Variants in EML5 observed in about 807,000 individuals in gnomAD.
EML5 encodes the protein EMAP like 5.
In EML5, 120 loss-of-function variants were observed where a neutral mutation model predicts 250.0. That is an observed-to-expected ratio of 0.48 (90% confidence interval 0.41 to 0.56). EML5 has a LOEUF of 0.56. Ranked by LOEUF, EML5 falls within the 20% of genes least tolerant of loss-of-function variation. The pLI is 0.00. For synonymous variants in EML5, 771 were observed against 806.5 expected, an observed-to-expected ratio of 0.96 and a Z score of 0.75; for missense variants, 2,006 against 2,437.6, an observed-to-expected ratio of 0.82 and a Z score of 3.73.
At position 88,705,579 on chromosome 14, in the gene EML5, G is replaced by C. The variant is rs777239208; in HGVS notation, c.1835C>G (p.Ala612Gly). The stretch of plus-strand genomic sequence containing the variant: ...ATCTGATTCATCACTATGAGAGTCA[G>C]CCAGACTTTCTGTAATTTTTAAAAA... ...AVHIAPQESL[A>G]DSHSDESDSD... Residue 612 changes from alanine to glycine, a missense_variant, in exon 12 of 44, where the codon GCT (alanine) becomes GGT (glycine). Around this residue, in one of 7 missense-constraint regions of EML5, gnomAD observed 1,375 missense variants for 1,590.3 expected, o/e 0.86. Coordinates refer to ENST00000554922, the MANE Select transcript of EML5 (RefSeq NM_183387.3). 9.4e-5 allele frequency: 149 copies of C among 1,586,148 alleles called. No homozygotes were observed. In the Admixed American group the frequency reaches 2.6e-3, roughly 28 times the overall value.
chr14:88,717,362 G>T (rs1338165264), intron 8 of EML5, among the ~76,000 whole-genome samples: 1 of 152,190 alleles, frequency 6.6e-6, no homozygotes, highest in Admixed American at 6.5e-5. Flanking sequence ...GGAGAATCAT[G>T]AAGTGGGGGC....
chr14:88,654,202 A>G (rs922507355), intron 27 of EML5, among the ~76,000 whole-genome samples: 5 of 152,048 alleles, frequency 3.3e-5, no homozygotes, highest in African/African-American at 1.2e-4. Context: ...CTAGCAGTCT[A>G]TCTATTTTGT....
intron 7 of EML5, among the ~76,000 whole-genome samples, chr14:88,733,950 T>C (rs184599916): frequency 4.6e-5 from 7 of 151,304 alleles, no homozygotes; most frequent in Admixed American, 1.3e-4. Flanking sequence ...AATTCAGCTA[T>C]ATGAAAAATA....
At chr14:88,700,633 G>A (rs2093188024) in intron 14 of EML5, among the ~76,000 whole-genome samples, 2 of 152,204 alleles carry the variant, frequency 1.3e-5, no homozygotes, top group African/African-American at 4.8e-5. Flanking sequence ...AAGCACCTTA[G>A]AACAGAGTTT....
chr14:88,705,633 A>G (rs1788497751), intron 11 of EML5, 45 bp from the exon 12 acceptor site: 1 of 1,420,636 alleles, frequency 7.0e-7, no homozygotes, highest in Non-Finnish European at 9.7e-7. Context: ...AAGAAGATTC[A>G]TTTTCAAAAC....
At chr14:88,741,322 G>A (rs956571415) in intron 4 of EML5, among the ~76,000 whole-genome samples, 2 of 152,058 alleles carry the variant, frequency 1.3e-5, no homozygotes, top group South Asian at 2.1e-4. Context: ...TACAGCTCAC[G>A]GTAACTGCAG....
At chr14:88,769,660 T>C (rs981306739) in intron 1 of EML5, among the ~76,000 whole-genome samples, 4 of 152,214 alleles carry the variant, frequency 2.6e-5, no homozygotes, top group African/African-American at 9.6e-5. Flanking sequence ...ACACGCCAGA[T>C]TGTCTCAACT....
intron 1 of EML5, among the ~76,000 whole-genome samples, chr14:88,768,306 G>C (rs1304686998): frequency 1.3e-5 from 2 of 152,286 alleles, no homozygotes; most frequent in South Asian, 4.1e-4. Context: ...GATACTGTGA[G>C]ACTATGCAAA....
chr14:88,677,573 C>T (rs1174108724), intron 21 of EML5, among the ~76,000 whole-genome samples: 3 of 152,172 alleles, frequency 2.0e-5, no homozygotes, highest in Non-Finnish European at 4.4e-5. Context: ...GGTCTAATAT[C>T]CAGAATCTAC....
At chr14:88,714,391 G>A (rs1460726508) in intron 9 of EML5, among the ~76,000 whole-genome samples, 1 of 152,164 alleles carries the variant, frequency 6.6e-6, no homozygotes, top group Non-Finnish European at 1.5e-5. Context: ...AGAGGTAGAG[G>A]TTGGTGGGGG....
At chr14:88,670,972 T>C (rs183546145) in intron 21 of EML5, among the ~76,000 whole-genome samples, 6 of 152,178 alleles carry the variant, frequency 3.9e-5, no homozygotes, top group Admixed American at 3.9e-4. Flanking sequence ...AGAACAAAGT[T>C]GTAAAACGTA....
intron 32 of EML5, among the ~76,000 whole-genome samples, chr14:88,636,286 C>G (rs1031728387): frequency 6.6e-6 from 1 of 152,156 alleles, no homozygotes; most frequent in African/African-American, 2.4e-5. Context: ...AGTAGGCTCC[C>G]CCATGGAAAG....
rs746959115 is a variant in EML5, at chr14:88,642,990, T to A, written c.4140A>T (p.Arg1380=). The A allele has an allele frequency of 6.3e-7, 1 of 1,596,042 alleles. No individual in the cohort carries two copies. Among genetic ancestry groups the A allele is most frequent in the South Asian group, 1.2e-5 (1 of 86,584 alleles). ...GAACATTATTCCTACAGTCTCTGCC[T>A]CGATAACCAAAAATGAGCTCCAACA... is the stretch of plus-strand genomic sequence containing the variant. ...DLVLELIFGY[R]GRDCRNNVHY... Residue 1380 remains arginine, a synonymous_variant, in exon 31 of 44, where the codon CGA becomes CGT. Transcript: ENST00000554922.
chr14:88,691,485 T>C (rs1451906348), intron 17 of EML5, among the ~76,000 whole-genome samples: 1 of 152,230 alleles, frequency 6.6e-6, no homozygotes, highest in Non-Finnish European at 1.5e-5. Context: ...ACACACAGCA[T>C]AACATGTTCC....
At chr14:88,755,332 T>G (rs920872044) in intron 1 of EML5, among the ~76,000 whole-genome samples, 1 of 152,214 alleles carries the variant, frequency 6.6e-6, no homozygotes, top group African/African-American at 2.4e-5. Flanking sequence ...TTTCCAAGCC[T>G]TCTTTCCCAT....
rs201160406 is a variant in EML5, at chr14:88,736,539, G to A, written c.874C>T (p.Arg292Ter). ...KGLSVRSVCW[R>*]GDHILVGTQD... is the part of the protein sequence containing the mutation. The stretch of plus-strand genomic sequence containing the variant: ...GTTCCAACTAGAATGTGGTCACCTC[G>A]CCAACACACACTCCTTACAGACAAA... The change falls in exon 7 of 44, where the codon CGA becomes TGA. Residue 292 changes from arginine (R) to a stop codon, truncating the protein, a stop_gained. Transcript: ENST00000554922. LOFTEE classifies it high-confidence loss of function. 8.7e-6 allele frequency: 14 copies of A among 1,613,648 alleles called. No homozygotes were observed. The highest frequency in any genetic ancestry group is 2.2e-5 in the East Asian group (1 of 44,850).
intron 32 of EML5, among the ~76,000 whole-genome samples, chr14:88,638,411 C>G (rs1152382): frequency 2.6e-5 from 4 of 152,212 alleles, no homozygotes; most frequent in African/African-American, 9.7e-5. Flanking sequence ...TGAACCCCCA[C>G]GGAAGCAGGG....
chr14:88,738,421 A>T (rs1360032691), intron 6 of EML5, among the ~76,000 whole-genome samples: 5 of 151,654 alleles, frequency 3.3e-5, no homozygotes, highest in Non-Finnish European at 7.4e-5. Flanking sequence ...CCAAGAGAAA[A>T]AAAAAAAATC....
intron 33 of EML5, among the ~76,000 whole-genome samples, chr14:88,629,134 A>C (rs2090264693): frequency 6.6e-6 from 1 of 152,078 alleles, no homozygotes; most frequent in African/African-American, 2.4e-5. Flanking sequence ...CCAGTGATAA[A>C]TATTATATAA....
Sources: gnomAD v4.1 joint callset for allele counts (sites outside exome capture counted in the v4.1 genomes callset) on GRCh38, gnomAD v4.1.1 for gene constraint, gnomAD v4.1.1 regional missense constraint, MANE v1.5 for transcripts, NCBI Gene and HGNC (gene_info 2026-07-23, HGNC 2026-07-21) for gene names.